NAV3: variants seen among roughly 807,000 people sequenced by gnomAD.
The protein encoded by NAV3 is neuron navigator 3, also known as pore membrane and/or filament interacting like protein 1.
In NAV3, 87 loss-of-function variants were observed where a neutral mutation model predicts 244.7. That is an observed-to-expected ratio of 0.36 (90% CI 0.30 to 0.42). The LOEUF is 0.42. Ranked by LOEUF, NAV3 falls within the 20% of genes least tolerant of loss-of-function variation. NAV3 has a pLI of 1.00. For synonymous variants in NAV3, 1,126 were observed against 1,042.2 expected (o/e 1.08, Z -1.55); for missense variants, 2,663 against 2,893.3 (o/e 0.92, Z 1.83).
intron 2 of NAV3, among the ~76,000 whole-genome samples, chr12:77,774,682 C>T (rs969302444): frequency 5.3e-5 from 8 of 152,172 alleles, no homozygotes; most frequent in Non-Finnish European, 1.2e-4. Flanking sequence ...GCAAAATACT[C>T]CTGCAGGTCA....
At chr12:77,877,662 T>C (rs1261684164) in intron 1 of NAV3, among the ~76,000 whole-genome samples, 2 of 152,058 alleles carry the variant, frequency 1.3e-5, no homozygotes, top group African/African-American at 4.8e-5. Flanking sequence ...TGCATAAGAA[T>C]TCCAAATAAG....
rs1212057530 is a variant in NAV3 at position 77,830,922 on chromosome 12, C to T, written c.-540C>T. ...ATCAGGAAGAACCCCTGTCCTTCCA[C>T]TGTTGTGGTCTTTTGGCTGCTCTGA... On this transcript the variant is annotated 5_prime_UTR_variant, in exon 1 of 40. Transcript: ENST00000397909. 6.6e-6 allele frequency: 1 copy of T among 152,124 alleles called. No homozygotes were observed. Among genetic ancestry groups the T allele is most frequent in the Non-Finnish European group, 1.5e-5 (1 of 68,028 alleles). 9.4% of individuals were successfully genotyped at this position (152,124 alleles called of 1,614,324 possible). A position where few individuals can be genotyped will look rare whatever the true frequency, so the allele number is the denominator to read the frequency against.
chr12:77,668,475 G>C (rs968896724), intron 2 of NAV3, among the ~76,000 whole-genome samples: 2 of 152,084 alleles, frequency 1.3e-5, no homozygotes, highest in African/African-American at 4.8e-5. Context: ...GACACACTTA[G>C]AGAAATGCAA....
chr12:78,127,102 G>T (rs2138805683), intron 16 of NAV3, 65 bp from the exon 17 acceptor site: 1 of 1,521,124 alleles, frequency 6.6e-7, no homozygotes, highest in South Asian at 1.2e-5. Context: ...AACCATTTTT[G>T]TTGGATGTGT....
chr12:77,820,519 G>A lies in NAV3; in HGVS notation c.73-119800G>A, dbSNP rs530927655. On this transcript the variant is annotated intron_variant, in intron 2 of 8. Transcript: ENST00000550042. The stretch of plus-strand genomic sequence containing the variant: ...CAATCACTTTCCAAAGGCCACAACC[G>A]CCAATATTGTTGCATTGAGGATTAA... Among the ~76,000 whole-genome samples, 14 of 152,208 alleles carry A rather than the reference G, an allele frequency of 9.2e-5. No homozygotes were observed. In the East Asian group the frequency reaches 1.4e-3, roughly 15 times the overall value.
chr12:78,105,263 G>A (rs564133118), intron 12 of NAV3, among the ~76,000 whole-genome samples: 1 of 152,062 alleles, frequency 6.6e-6, no homozygotes, highest in Non-Finnish European at 1.5e-5. Context: ...TACAGCCAGA[G>A]ATATTTGGTT....
intron 2 of NAV3, among the ~76,000 whole-genome samples, chr12:77,629,923 T>C (rs1871811209): frequency 6.6e-6 from 1 of 152,126 alleles, no homozygotes; most frequent in Non-Finnish European, 1.5e-5. Flanking sequence ...CAAATACTAC[T>C]ACCAACACCA....
At chr12:77,630,421 A>G (rs1049216223) in intron 2 of NAV3, among the ~76,000 whole-genome samples, 1 of 152,110 alleles carries the variant, frequency 6.6e-6, no homozygotes, top group Non-Finnish European at 1.5e-5. Context: ...ACTGAAAACT[A>G]TTTCCTTTAG....
At chr12:77,621,254 T>C (rs1871357890) in intron 2 of NAV3, among the ~76,000 whole-genome samples, 1 of 152,194 alleles carries the variant, frequency 6.6e-6, no homozygotes, top group South Asian at 2.1e-4. Flanking sequence ...GAAGCTCTCC[T>C]GTAGCTGCTA....
chr12:77,632,726 A>G (rs996812862), intron 2 of NAV3, among the ~76,000 whole-genome samples: 9 of 152,194 alleles, frequency 5.9e-5, no homozygotes, highest in African/African-American at 1.9e-4. Context: ...TTATACTACT[A>G]TAATAGTAAT....
intron 2 of NAV3, among the ~76,000 whole-genome samples, chr12:77,655,326 C>A (rs186561816): frequency 6.6e-6 from 1 of 151,812 alleles, no homozygotes; most frequent in Non-Finnish European, 1.5e-5. Context: ...CCTTAGGAGC[C>A]GATGCAATCA....
chr12:77,657,277 C>G (rs1592548903), intron 2 of NAV3, among the ~76,000 whole-genome samples: 1 of 152,166 alleles, frequency 6.6e-6, no homozygotes, highest in Non-Finnish European at 1.5e-5. Flanking sequence ...AAGGGGATAT[C>G]ACCACCGATC....
intron 2 of NAV3, among the ~76,000 whole-genome samples, chr12:77,658,496 G>T (rs1240915921): frequency 6.7e-6 from 1 of 149,600 alleles, no homozygotes; most frequent in African/African-American, 2.5e-5. Flanking sequence ...ATGCTCATGG[G>T]TAGGAAGAAT....
intron 2 of NAV3, among the ~76,000 whole-genome samples, chr12:77,689,961 A>G (rs1247967679): frequency 6.6e-6 from 1 of 151,864 alleles, no homozygotes; most frequent in Non-Finnish European, 1.5e-5. Flanking sequence ...TGAAAAATAA[A>G]TATAATCACA....
At chr12:77,788,608 CTTT>C (rs78745838) in intron 2 of NAV3, among the ~76,000 whole-genome samples, 2 of 139,506 alleles carry the variant, frequency 1.4e-5, no homozygotes, top group African/African-American at 2.6e-5. Flanking sequence ...GCATTTGGTG[CTTT>C]TTTTTTTTTT....
intron 2 of NAV3, among the ~76,000 whole-genome samples, chr12:77,811,544 A>C (rs2136001765): frequency 6.6e-6 from 1 of 152,356 alleles, no homozygotes; most frequent in South Asian, 2.1e-4. Context: ...TAATTTATTT[A>C]ATCTTCCACA....
chr12:77,768,369 A>C (rs1306500267), intron 2 of NAV3, among the ~76,000 whole-genome samples: 1 of 152,144 alleles, frequency 6.6e-6, no homozygotes, highest in African/African-American at 2.4e-5. Flanking sequence ...GCCACCATTT[A>C]CATGTCATCC....
intron 7 of NAV3, 125 bp from the exon 8 acceptor site, chr12:78,006,294 C>T: frequency 1.2e-6 from 1 of 839,904 alleles, no homozygotes; most frequent in Non-Finnish European, 1.8e-6. Flanking sequence ...ATTGATGCTG[C>T]AGTCTCTTTT....
chr12:78,149,170 T>C (rs1373575264), intron 22 of NAV3, among the ~76,000 whole-genome samples: 5 of 152,114 alleles, frequency 3.3e-5, no homozygotes, highest in Admixed American at 3.3e-4. Context: ...AACAGCCATA[T>C]GGGTTACTTC....
Sources: gnomAD v4.1 joint callset for allele counts (sites outside exome capture counted in the v4.1 genomes callset) on GRCh38, gnomAD v4.1.1 for gene constraint, MANE v1.5 for transcripts, NCBI Gene and HGNC (gene_info 2026-07-23, HGNC 2026-07-21) for gene names.